SPATA7: variants seen among roughly 807,000 people sequenced by gnomAD.
The protein encoded by SPATA7 is spermatogenesis associated 7, also known as spermatogenesis-associated protein 7.
Under a neutral mutation model 51.8 loss-of-function variants are expected in SPATA7, and 43 were observed. That is an observed-to-expected ratio of 0.83 (90% confidence interval 0.65 to 1.07). SPATA7 has a LOEUF of 1.07. Among genes scored for constraint, SPATA7 ranks in the 50% least tolerant of loss-of-function variants. The pLI is 0.00. For synonymous variants in SPATA7, 230 were observed against 252.8 expected (o/e 0.91, Z 0.86); for missense variants, 683 against 701.3 (o/e 0.97, Z 0.30).
At chr14:88,396,868 C>CTTTTTT (rs1261739206) in intron 4 of SPATA7, among the ~76,000 whole-genome samples, 6 of 101,136 alleles carry the variant, frequency 5.9e-5, no homozygotes, top group African/African-American at 1.7e-4. Flanking sequence ...CTTTTCTTTT[C>CTTTTTT]TTTTTTCTTT....
At chr14:88,452,554 T>C (rs2077258441) in intron 3 of SPATA7, among the ~76,000 whole-genome samples, 1 of 152,098 alleles carries the variant, frequency 6.6e-6, no homozygotes, top group Non-Finnish European at 1.5e-5. Context: ...CAGCAATCCA[T>C]CTCCTTCTGT....
chr14:88,447,719 G>T (rs2077224248), intron 3 of SPATA7, among the ~76,000 whole-genome samples: 2 of 151,934 alleles, frequency 1.3e-5, no homozygotes, highest in African/African-American at 2.4e-5. Context: ...GTCTGTAAAG[G>T]ATTTTATTTC....
intron 3 of SPATA7, among the ~76,000 whole-genome samples, chr14:88,447,433 T>C (rs932206936): frequency 3.4e-5 from 5 of 147,910 alleles, no homozygotes; most frequent in African/African-American, 5.3e-5. Context: ...CTTGACTCTT[T>C]ATCCAATTTG....
chr14:88,427,544 A>C (rs2076829949), intron 6 of SPATA7, 86 bp from the exon 7 acceptor site: 1 of 846,308 alleles, frequency 1.2e-6, no homozygotes, highest in Admixed American at 2.3e-5. Context: ...ATTCTTTTTG[A>C]GTTTATTTTT....
downstream of SPATA7, among the ~76,000 whole-genome samples, chr14:88,456,997 G>C (rs899885517): frequency 1.3e-5 from 2 of 152,094 alleles, no homozygotes; most frequent in Non-Finnish European, 2.9e-5. Context: ...TTCCCCATTT[G>C]TTGTTTTTGT....
rs2077421292 is a variant in SPATA7 at position 88,469,490 on chromosome 14, G to A, written c.255-357G>A. On this transcript the variant is annotated intron_variant, in intron 4 of 4. Coordinates refer to the SPATA7 transcript ENST00000556406. This position sits in a 1 kb window ranked among gnomAD's most constrained non-coding sequence, Gnocchi z 4.3. ...CAGCTGTCCTCGGAACAAAGTTAAA[G>A]TCACTCACATAAAAATCCCTTGAGG... 1 of 1,599,018 alleles carries A rather than the reference G, an allele frequency of 6.3e-7. No homozygotes were observed. The highest frequency in any genetic ancestry group is 8.6e-7 in the Non-Finnish European group (1 of 1,166,268).
At chr14:88,415,538 T>A (rs845759) in intron 4 of SPATA7, among the ~76,000 whole-genome samples, 83,688 of 150,332 alleles carry the variant, frequency 0.56, 25,347 homozygotes, top group Admixed American at 0.7. Context: ...AATAAAAAAA[T>A]TAAAAAGTGG....
chr14:88,456,901 A>G (rs1196209772), downstream of SPATA7, among the ~76,000 whole-genome samples: 1 of 152,168 alleles, frequency 6.6e-6, no homozygotes, highest in African/African-American at 2.4e-5. Flanking sequence ...TAATTTTTAT[A>G]TAAGGTGTAA....
chr14:88,455,086 G>A (rs1369540451), exon 4 of SPATA7: 4 of 455,806 alleles, frequency 8.8e-6, no homozygotes, highest in Admixed American at 2.4e-5. Context: ...CTACTGGTCC[G>A]AAAACAACCC....
chr14:88,449,503 T>A (rs1437439075), intron 3 of SPATA7, among the ~76,000 whole-genome samples: 1 of 152,222 alleles, frequency 6.6e-6, no homozygotes, highest in Non-Finnish European at 1.5e-5. Flanking sequence ...TCATATATGG[T>A]CTATCTTGGA....
chr14:88,408,924 A>G (rs2076267058), intron 4 of SPATA7, among the ~76,000 whole-genome samples: 1 of 152,202 alleles, frequency 6.6e-6, no homozygotes, highest in African/African-American at 2.4e-5. Flanking sequence ...TGATTTGCAT[A>G]TGTTGAAGCA....
chr14:88,427,825 C>A, intron 7 of SPATA7, 129 bp downstream of exon 7: 1 of 729,440 alleles, frequency 1.4e-6, no homozygotes. Flanking sequence ...CATGATATAG[C>A]CAGTATACAG....
intron 4 of SPATA7, among the ~76,000 whole-genome samples, chr14:88,408,472 T>C (rs913624354): frequency 3.9e-5 from 6 of 152,356 alleles, no homozygotes; most frequent in Non-Finnish European, 7.3e-5. Context: ...CCTGAGACTT[T>C]GCTGAAGTTA....
rs910040505 is a variant in SPATA7 at position 88,385,717 on chromosome 14, G to A, written c.-102G>A. ...TTTCCCTGCTGCTGCAGCCCCCGTC[G>A]GCTCCTCTTTTCCAGTCCTCCACTG... On this transcript the variant is annotated 5_prime_UTR_variant, in exon 1 of 12. Coordinates refer to ENST00000393545, the MANE Select transcript of SPATA7 (RefSeq NM_018418.5). The A allele has an allele frequency of 2.6e-6, 3 of 1,153,634 alleles. No individual in the cohort carries two copies. Among genetic ancestry groups the A allele is most frequent in the Non-Finnish European group, 1.3e-6 (1 of 784,236 alleles). The allele number at this position is 1,153,634 out of a possible 1,614,324, so 71.5% of individuals were successfully genotyped here.
At chr14:88,393,636 T>C (rs2075803215) in intron 3 of SPATA7, 148 bp downstream of exon 3, 1 of 619,402 alleles carries the variant, frequency 1.6e-6, no homozygotes, top group Non-Finnish European at 2.8e-6. Context: ...AACTATTGAC[T>C]CTAGGTACTT....
chr14:88,401,141 C>CA (rs2139903000), intron 4 of SPATA7, among the ~76,000 whole-genome samples: 1 of 152,272 alleles, frequency 6.6e-6, no homozygotes, highest in Non-Finnish European at 1.5e-5. Context: ...TTAAAAGAGT[C>CA]AAACACCATG....
intron 3 of SPATA7, among the ~76,000 whole-genome samples, chr14:88,394,164 T>A (rs1372728377): frequency 6.6e-6 from 1 of 152,194 alleles, no homozygotes; most frequent in Non-Finnish European, 1.5e-5. Flanking sequence ...GTGGCAGCTT[T>A]TACACTAAAA....
chr14:88,467,886 C>A (rs958974664), intron 4 of SPATA7: 4 of 521,962 alleles, frequency 7.7e-6, no homozygotes, highest in Non-Finnish European at 1.3e-5. Flanking sequence ...TACTGCAAAC[C>A]GGACAGACCG....
rs774907515 is a variant in SPATA7 at position 88,438,306 on chromosome 14, T to C, written c.1684T>C (p.Ser562Pro). The C allele has an allele frequency of 1.9e-6, 3 of 1,614,032 alleles. No homozygotes were observed. The highest frequency in any genetic ancestry group is 8.5e-7 in the Non-Finnish European group (1 of 1,179,958). Residue 562 changes from serine to proline, a missense_variant, in exon 12 of 12, where the codon TCA (serine) becomes CCA (proline). Coordinates refer to ENST00000393545, the MANE Select transcript of SPATA7 (RefSeq NM_018418.5). ...ISNGLCGLNT[S>P]PSQSVQFSSV... Reference sequence around the variant, plus strand: ...AAATGGATTATGTGGTCTTAACACATCACCCTCCCAATCTGTTCAGTTCTC... The same window carrying C: ...AAATGGATTATGTGGTCTTAACACACCACCCTCCCAATCTGTTCAGTTCTC...
Sources: gnomAD v4.1 joint callset for allele counts (sites outside exome capture counted in the v4.1 genomes callset) on GRCh38, gnomAD v4.1.1 for gene constraint, Gnocchi (gnomAD v3.1) non-coding constraint, MANE v1.5 for transcripts, NCBI Gene and HGNC (gene_info 2026-07-23, HGNC 2026-07-21) for gene names.